Variants in SCN11A observed in about 807,000 individuals in gnomAD.
The protein encoded by SCN11A is sodium channel protein type 11 subunit alpha.
SCN11A carries 122 observed loss-of-function variants against 162.2 expected under a neutral mutation model. The observed-to-expected ratio is 0.75, with a 90% CI of 0.65 to 0.87. SCN11A has a LOEUF of 0.87. Among genes scored for constraint, SCN11A ranks in the 40% least tolerant of loss-of-function variants. SCN11A has a pLI of 0.00. For missense variants in SCN11A, 2,015 were observed against 2,181.6 expected (o/e 0.92, Z 1.52); for synonymous variants, 758 against 751.5 (o/e 1.01, Z -0.14).
In SCN11A at chr3:38,846,679, C is replaced by G; in HGVS notation, c.*15G>C. 6.2e-7 allele frequency: 1 copy of G among 1,606,506 alleles called. No individual in the cohort carries two copies. The highest frequency in any genetic ancestry group is 8.5e-7 in the Non-Finnish European group (1 of 1,173,756). ...CAAGGCTGTGAAGCTATGAGGTAGG[C>G]GTGGAGGTGAGGGCTCAGTCACAGT... is the stretch of plus-strand genomic sequence containing the variant. On this transcript the variant is annotated 3_prime_UTR_variant, in exon 30 of 30. Transcript: ENST00000302328.
chr3:38,943,182 G>C (rs780781538), intron 7 of SCN11A, among the ~76,000 whole-genome samples: 61 of 152,158 alleles, frequency 4.0e-4, no homozygotes, highest in Non-Finnish European at 6.9e-4. Context: ...GCATCTCAAA[G>C]CATTATGCTA....
chr3:38,846,972 G>A lies in SCN11A; in HGVS notation c.5098C>T (p.Leu1700=), dbSNP rs1051532707. 1.3e-5 allele frequency: 21 copies of A among 1,613,922 alleles called. No homozygotes were observed. The highest frequency in any genetic ancestry group is 1.7e-5 in the Non-Finnish European group (20 of 1,179,992). The change falls in exon 30 of 30, where the codon CTA becomes TTA. Residue 1700 remains leucine (L), a synonymous_variant. Transcript: ENST00000302328. ...TARVLGGSDG[L]DSMKAMMEEK... is the part of the protein sequence containing the mutation. The stretch of plus-strand genomic sequence containing the variant: ...TCCATCATTGCTTTCATACTATCTA[G>A]GCCATCAGAGCCACCGAGTACCCTA...
intron 11 of SCN11A, among the ~76,000 whole-genome samples, chr3:38,918,180 C>A (rs1265802031): frequency 6.6e-6 from 1 of 151,744 alleles, no homozygotes; most frequent in African/African-American, 2.4e-5. Flanking sequence ...GGTTATACAC[C>A]CCACGTTGGA....
In SCN11A at chr3:39,051,172, A is replaced by G. The variant is rs551370608; in HGVS notation, c.-404+689T>C. ...AGGGGTACAAGTGCAGGTTTGTTAT[A>G]TAGGTAAACTTGTGTCACGGGTGTT... On this transcript the variant is annotated intron_variant, in intron 1 of 29. Transcript: ENST00000302328. Among the ~76,000 whole-genome samples the G allele has an allele frequency of 2.0e-5, 3 of 151,526 alleles. No individual in the cohort carries two copies. The South Asian group carries it at 6.3e-4, about 32-fold the overall frequency.
intron 1 of SCN11A, among the ~76,000 whole-genome samples, chr3:39,034,541 G>A (rs1050759023): frequency 1.3e-5 from 2 of 152,146 alleles, no homozygotes; most frequent in Non-Finnish European, 2.9e-5. Flanking sequence ...TCGAAGATCT[G>A]GAACACAACA....
chr3:38,847,473 T>G lies in SCN11A; in HGVS notation c.4597A>C (p.Asn1533His). 1 of 1,614,188 alleles carries G rather than the reference T, an allele frequency of 6.2e-7. No individual in the cohort carries two copies. The highest frequency in any genetic ancestry group is 8.5e-7 in the Non-Finnish European group (1 of 1,180,020). ...NPESGIDDIF[N>H]FKTFASSMLC... ...ATGCTGCTGGCAAAAGTCTTGAAGT[T>G]GAATATGTCATCGATTCCAGACTCT... Residue 1533 changes from asparagine (N) to histidine (H), a missense_variant, in exon 30 of 30, where the codon AAC becomes CAC. By Grantham distance (68) the Asn-to-His change is moderately conservative. Transcript: ENST00000302328.
At chr3:38,851,646 G>A (rs146640923) in intron 28 of SCN11A, among the ~76,000 whole-genome samples, 2 of 152,206 alleles carry the variant, frequency 1.3e-5, no homozygotes, top group Admixed American at 6.5e-5. Flanking sequence ...TTGACTATAC[G>A]TTGGTTGCTT....
At chr3:38,888,204 A>G (rs2065434896) in intron 19 of SCN11A, among the ~76,000 whole-genome samples, 1 of 152,218 alleles carries the variant, frequency 6.6e-6, no homozygotes, top group Non-Finnish European at 1.5e-5. Flanking sequence ...ATACGTAGGG[A>G]GACAGGAAGA....
At chr3:38,935,469 T>G (rs991119976) in intron 7 of SCN11A, among the ~76,000 whole-genome samples, 1 of 152,034 alleles carries the variant, frequency 6.6e-6, no homozygotes, top group Non-Finnish European at 1.5e-5. Flanking sequence ...ACAAAACTGA[T>G]AGATCCCTAG....
intron 23 of SCN11A, among the ~76,000 whole-genome samples, chr3:38,873,958 C>A (rs549689919): frequency 5.9e-5 from 9 of 152,182 alleles, no homozygotes; most frequent in Admixed American, 5.9e-4. Flanking sequence ...TTGGTGAATA[C>A]CTAGGTTATT....
In SCN11A at chr3:38,897,028, G is replaced by A; in HGVS notation, c.2220C>T (p.Gly740=). 3 of 1,614,144 alleles carry A rather than the reference G, an allele frequency of 1.9e-6. No individual in the cohort carries two copies. The highest frequency in any genetic ancestry group is 2.5e-6 in the Non-Finnish European group (3 of 1,180,016). ...AGTGCCGTAAACATGAGACTGTCGG[G>A]CCTGTCGGGTTACAGAGTTTTGGAC... is the stretch of plus-strand genomic sequence containing the variant. ...QKSPKLCNPT[G]PTVSCLRHWH... Residue 740 remains glycine, a synonymous_variant, in exon 18 of 30, where the codon GGC becomes GGT. Transcript: ENST00000302328.
intron 11 of SCN11A, among the ~76,000 whole-genome samples, chr3:38,914,005 A>G (rs2065923469): frequency 6.6e-6 from 1 of 152,110 alleles, no homozygotes; most frequent in Non-Finnish European, 1.5e-5. Context: ...AAATTTTAAA[A>G]CAGCATTTTT....
chr3:38,964,304 G>A (rs1447514765), intron 2 of SCN11A, among the ~76,000 whole-genome samples: 1 of 152,150 alleles, frequency 6.6e-6, no homozygotes, highest in African/African-American at 2.4e-5. Context: ...GCCAGGTAAG[G>A]TGCATCAGCT....
chr3:38,846,851 A>G lies in SCN11A; in HGVS notation c.5219T>C (p.Ile1740Thr), dbSNP rs1386530908. ...CATGTACTTTCGAAAGGCCTTTTGA[A>G]TAATAGCAGCACCTCTTTCCTCTTC... ...RKEEERGAAI[I>T]QKAFRKYMMK... The change falls in exon 30 of 30, where the codon ATT (isoleucine) becomes ACT (threonine). Residue 1740 changes from isoleucine to threonine, a missense_variant. Transcript: ENST00000302328. The G allele has an allele frequency of 6.2e-7, 1 of 1,614,090 alleles. No individual in the cohort carries two copies. Among genetic ancestry groups the G allele is most frequent in the East Asian group, 2.2e-5 (1 of 44,866 alleles).
chr3:38,945,624 T>G, intron 6 of SCN11A, 112 bp from the exon 7 acceptor site: 1 of 602,176 alleles, frequency 1.7e-6, no homozygotes, highest in South Asian at 2.7e-5. Context: ...GCATCTATCT[T>G]CTGACTGTGA....
intron 28 of SCN11A, among the ~76,000 whole-genome samples, chr3:38,861,919 C>T (rs368335656): frequency 1.2e-4 from 18 of 152,136 alleles, no homozygotes; most frequent in African/African-American, 3.1e-4. Flanking sequence ...ATCTTCTGCA[C>T]GGCAAAATAA....
chr3:38,993,136 T>G (rs951399481), intron 2 of SCN11A, among the ~76,000 whole-genome samples: 1 of 152,182 alleles, frequency 6.6e-6, no homozygotes. Flanking sequence ...CGTGATTGTT[T>G]GAGATGACTG....
intron 28 of SCN11A, among the ~76,000 whole-genome samples, chr3:38,851,704 A>C (rs1322309287): frequency 6.6e-6 from 1 of 152,230 alleles, no homozygotes; most frequent in African/African-American, 2.4e-5. Context: ...ACCTAATCAA[A>C]GTGGCATACA....
At chr3:38,858,040 C>T (rs1333195705) in intron 28 of SCN11A, among the ~76,000 whole-genome samples, 4 of 151,900 alleles carry the variant, frequency 2.6e-5, no homozygotes. Context: ...CAAAACAAAA[C>T]AAAACAAACA....
Sources: allele counts gnomAD v4.1 joint callset (sites outside exome capture counted in the v4.1 genomes callset), GRCh38; gene constraint gnomAD v4.1.1; transcripts MANE v1.5; gene names NCBI Gene and HGNC (gene_info 2026-07-23, HGNC 2026-07-21).